Variants in CHD8 observed in about 807,000 individuals in gnomAD.
CHD8 encodes the protein ATP-dependent chromatin remodeler CHD8.
Under a neutral mutation model 279.2 loss-of-function variants are expected in CHD8, and 31 were observed. The ratio of observed to expected loss-of-function variants is 0.11; its 90% confidence interval spans 0.08 to 0.15. The LOEUF is 0.15. Among genes scored for constraint, CHD8 ranks in the 10% least tolerant of loss-of-function variants. CHD8 has a pLI of 1.00. For missense variants in CHD8, 2,146 were observed against 3,230.5 expected (o/e 0.66, Z 8.14); for synonymous variants, 1,081 against 1,139.6 (o/e 0.95, Z 1.04).
Position 21,392,743 on chromosome 14 carries a change from TAGA to T in CHD8, c.6532_6534del (p.Ser2179del). The stretch of plus-strand genomic sequence containing the variant: ...GTTACCATTTCCTGGCTCCTACGGC[TAGA>T]AGGCCACTTCCCTGAGAGTACAGCC... On this transcript the variant is annotated inframe_deletion, in exon 34 of 38. Transcript: ENST00000646647. 3.7e-6 allele frequency: 6 copies of T among 1,613,960 alleles called. No individual in the cohort carries two copies. The highest frequency in any genetic ancestry group is 4.2e-6 in the Non-Finnish European group (5 of 1,179,876).
chr14:21,423,900 G>A (rs1398063782), intron 5 of CHD8, among the ~76,000 whole-genome samples: 2 of 152,112 alleles, frequency 1.3e-5, no homozygotes, highest in Admixed American at 6.5e-5. Context: ...TAAGAAACTC[G>A]CTCAGAGTGA....
chr14:21,432,030 A>G (rs1370614054), intron 1 of CHD8, among the ~76,000 whole-genome samples, 172 bp from the exon 2 acceptor site: 1 of 152,184 alleles, frequency 6.6e-6, no homozygotes, highest in Admixed American at 6.5e-5. Context: ...TTCTGCTTCA[A>G]AACTAAAACT....
At chr14:21,407,982 G>A (rs553043847) in intron 13 of CHD8, among the ~76,000 whole-genome samples, 8 of 152,262 alleles carry the variant, frequency 5.3e-5, no homozygotes, top group East Asian at 1.9e-4. Context: ...GCTCACCACC[G>A]CATGGATTAA....
intron 1 of CHD8, among the ~76,000 whole-genome samples, chr14:21,433,045 T>C (rs961937724): frequency 1.3e-5 from 2 of 152,198 alleles, no homozygotes; most frequent in African/African-American, 4.8e-5. Context: ...CCTCTTTCTC[T>C]GGGAGAAAGT....
rs1331518100 is a variant in CHD8, at chr14:21,431,646, T to C, written c.-3A>G. The C allele has an allele frequency of 3.2e-6, 5 of 1,546,678 alleles. No individual in the cohort carries two copies. The Admixed American group carries it at 9.8e-5, about 30-fold the overall frequency. ...AGATCCATGATGGGGTCTGCCATCT[T>C]GGGAAAGTAATGGAGGGTACTTCTC... is the stretch of plus-strand genomic sequence containing the variant. On this transcript the variant is annotated 5_prime_UTR_variant, in exon 2 of 38. Coordinates refer to ENST00000646647, the MANE Select transcript of CHD8 (RefSeq NM_001170629.2).
intron 1 of CHD8, among the ~76,000 whole-genome samples, chr14:21,434,134 C>T (rs887552050): frequency 6.6e-6 from 1 of 151,482 alleles, no homozygotes; most frequent in African/African-American, 2.4e-5. Flanking sequence ...CAACCTCTAC[C>T]TCCTGGGTTC....
At chr14:21,421,690 T>G (rs1244559436) in intron 5 of CHD8, among the ~76,000 whole-genome samples, 1 of 152,198 alleles carries the variant, frequency 6.6e-6, no homozygotes, top group Non-Finnish European at 1.5e-5. Flanking sequence ...TTGCCAATAT[T>G]GTCATTCTCA....
In CHD8 at chr14:21,436,552, G is replaced by C. The variant is rs1594385305; in HGVS notation, c.-215-4694C>G. Among the ~76,000 whole-genome samples the C allele has an allele frequency of 2.0e-5, 3 of 152,190 alleles. No individual in the cohort carries two copies. In the East Asian group the frequency reaches 5.8e-4, roughly 29 times the overall value. ...AATTGGAGCCACTCAGATTTCCTAA[G>C]TAGATCAAGATCCTAGGCCATTTTC... On this transcript the variant is annotated intron_variant, in intron 1 of 37. Coordinates refer to ENST00000646647, the MANE Select transcript of CHD8 (RefSeq NM_001170629.2).
At chr14:21,437,270 T>C in intron 1 of CHD8, 2 of 1,152,406 alleles carry the variant, frequency 1.7e-6, no homozygotes, top group Non-Finnish European at 2.2e-6. Flanking sequence ...CTGCGCAACC[T>C]AACCTGATGC....
rs1889559004 is a variant in CHD8, at chr14:21,431,402, T to C, written c.242A>G (p.Glu81Gly). ...GGATTCTGGAGCTGGAGCTGTGGAT[T>C]CTTTGGAAAGTTCTGTGGGAGCTGT... ...EETAPTELSK[E>G]STAPAPESIT... is the part of the protein sequence containing the mutation. Residue 81 changes from glutamate to glycine, a missense_variant, in exon 2 of 38, where the codon GAA (glutamate) becomes GGA (glycine). Around this residue, in one of 26 missense-constraint regions of CHD8, gnomAD observed 302 missense variants for 325.5 expected, o/e 0.93. Coordinates refer to ENST00000646647, the MANE Select transcript of CHD8 (RefSeq NM_001170629.2). 2.0e-6 allele frequency: 3 copies of C among 1,537,274 alleles called. No homozygotes were observed. The highest frequency in any genetic ancestry group is 2.6e-6 in the Non-Finnish European group (3 of 1,146,924).
chr14:21,408,862 C>T lies in CHD8; in HGVS notation c.2365-37G>A. The T allele has an allele frequency of 6.3e-7, 1 of 1,584,424 alleles. No individual in the cohort carries two copies. Among genetic ancestry groups the T allele is most frequent in the Non-Finnish European group, 8.6e-7 (1 of 1,164,734 alleles). On this transcript the variant is annotated intron_variant, in intron 11 of 37. Transcript: ENST00000646647. This position sits in a 1 kb window ranked among gnomAD's most constrained non-coding sequence, Gnocchi z 4.3. ...GACGTTTGAATAAATGGAGTGGAGA[C>T]ATTATCAAAAGGTAAGACTTACTAG...
Position 21,430,784 on chromosome 14 carries a change from CCT to C in CHD8, c.843+15_843+16del. 6.5e-7 allele frequency: 1 copy of C among 1,549,892 alleles called. No homozygotes were observed. The highest frequency in any genetic ancestry group is 1.4e-5 in the African/African-American group (1 of 73,274). ...TCTATGAAACCAAAATTCACCTCCC[CCT>C]TTCACTCAAGTCACCTGGGTAGGTG... is the stretch of plus-strand genomic sequence containing the variant. On this transcript the variant is annotated intron_variant, in intron 2 of 37. Transcript: ENST00000646647.
Position 21,427,992 on chromosome 14 carries a change from C to G in CHD8, c.1478G>C (p.Arg493Pro), listed in dbSNP as rs755646683. 1.5e-5 allele frequency: 24 copies of G among 1,614,060 alleles called. No homozygotes were observed. In the Middle Eastern group the frequency reaches 4.9e-4, roughly 33 times the overall value. The change falls in exon 4 of 38, where the codon CGG (arginine) becomes CCG (proline). Residue 493 changes from arginine to proline, a missense_variant. Arg to Pro is a moderately radical substitution (Grantham distance 103). Coordinates refer to ENST00000646647, the MANE Select transcript of CHD8 (RefSeq NM_001170629.2). ...TTTCTTCTCGCCTTCCTCCTCTGGC[C>G]GAACGCTGGGCAACTCGTCCTCATT... is the stretch of plus-strand genomic sequence containing the variant. ...VLNEDELPSV[R>P]PEEEGEKKRR...
At chr14:21,432,490 A>G (rs1889604628) in intron 1 of CHD8, among the ~76,000 whole-genome samples, 2 of 152,224 alleles carry the variant, frequency 1.3e-5, no homozygotes, top group Non-Finnish European at 2.9e-5. Flanking sequence ...TTTAAGATAA[A>G]AAAGGTCAAT....
chr14:21,436,223 G>A (rs953714594), intron 1 of CHD8, among the ~76,000 whole-genome samples: 8 of 152,160 alleles, frequency 5.3e-5, no homozygotes, highest in African/African-American at 1.9e-4. Context: ...CTTGTTGTTG[G>A]AAACTGTATC....
intron 5 of CHD8, among the ~76,000 whole-genome samples, chr14:21,417,103 A>T (rs1278719024): frequency 6.6e-6 from 1 of 152,236 alleles, no homozygotes; most frequent in Non-Finnish European, 1.5e-5. Flanking sequence ...TTTTATATTT[A>T]AAAATGTTAT....
chr14:21,405,470 G>C lies in CHD8; in HGVS notation c.3052-6C>G. 6.3e-7 allele frequency: 1 copy of C among 1,599,916 alleles called. No individual in the cohort carries two copies. The highest frequency in any genetic ancestry group is 1.3e-5 in the African/African-American group (1 of 74,692). On this transcript the variant is annotated splice_region_variant and splice_polypyrimidine_tract_variant and intron_variant, in intron 15 of 37. Coordinates refer to ENST00000646647, the MANE Select transcript of CHD8 (RefSeq NM_001170629.2). This position sits in a 1 kb window ranked among gnomAD's most constrained non-coding sequence, Gnocchi z 4.2. ...ATGGCCTGTAGCTTTTGAACCTGTG[G>C]TCCATTACAGAGAGAAAAATAAATC...
rs1022516564 is a variant in CHD8, at chr14:21,449,034, C to T, written c.-216+6998G>A. Among the ~76,000 whole-genome samples the T allele has an allele frequency of 4.6e-5, 7 of 151,664 alleles. No individual in the cohort carries two copies. In the East Asian group the frequency reaches 9.8e-4, roughly 21 times the overall value. On this transcript the variant is annotated intron_variant, in intron 1 of 37. Transcript: ENST00000646647. ...CTAAAAATACAAAAAATTAGCCGGG[C>T]GTGGTGGCGGGCGCCTGTAGTCCCA...
intron 4 of CHD8, chr14:21,426,491 A>C: frequency 2.4e-6 from 1 of 414,906 alleles, no homozygotes; most frequent in Non-Finnish European, 4.3e-6. Flanking sequence ...AAATACCTGA[A>C]GGAAGGTAGC....
Sources: allele counts gnomAD v4.1 joint callset (sites outside exome capture counted in the v4.1 genomes callset), GRCh38; gene constraint gnomAD v4.1.1; regional missense constraint gnomAD v4.1.1; non-coding constraint Gnocchi (gnomAD v3.1); transcripts MANE v1.5; gene names NCBI Gene and HGNC (gene_info 2026-07-23, HGNC 2026-07-21).